The following SATL1 variants were observed in gnomAD, a reference collection of about 807,000 sequenced individuals.
SATL1 encodes spermidine/spermine N1-acetyl transferase like 1, also known as spermidine/spermine N(1)-acetyltransferase-like protein 1.
In SATL1, 47 loss-of-function variants were observed where a neutral mutation model predicts 51.8. That is an observed-to-expected ratio of 0.91 (90% CI 0.72 to 1.16). The LOEUF is 1.16. Among genes scored for constraint, SATL1 ranks in the 50% most tolerant of loss-of-function variants. The pLI, the probability that SATL1 is intolerant of heterozygous loss-of-function variation, is 0.00. For missense variants in SATL1, 520 were observed against 526.4 expected, an observed-to-expected ratio of 0.99 and a Z score of 0.12; for synonymous variants, 176 against 182.4, an observed-to-expected ratio of 0.97 and a Z score of 0.28.
At chrX:85,122,000 C>A (rs1333932420) in intron 2 of SATL1, among the ~76,000 whole-genome samples, 1 of 106,197 alleles carries the variant, frequency 9.4e-6, no homozygotes, top group African/African-American at 3.5e-5. Context: ...TGTCATTTGT[C>A]AGTTTAAAAA....
At chrX:85,126,844 C>A (rs765586031) in intron 2 of SATL1, among the ~76,000 whole-genome samples, 47 of 108,271 alleles carry the variant, frequency 4.3e-4, no homozygotes, top group African/African-American at 1.3e-3. Flanking sequence ...TTTTACCCCC[C>A]CCACCACACC....
intron 2 of SATL1, among the ~76,000 whole-genome samples, chrX:85,185,702 C>T (rs961498432): frequency 9.0e-6 from 1 of 111,121 alleles, no homozygotes; most frequent in South Asian, 3.8e-4. Flanking sequence ...GCTGTCAAGC[C>T]TGAGTCTTTC....
In SATL1 at chrX:85,094,181, C is replaced by T; in HGVS notation, c.1823G>A (p.Trp608Ter). 1 of 1,199,735 alleles carries T rather than the reference C, an allele frequency of 8.3e-7. No individual in the cohort carries two copies. The highest frequency in any genetic ancestry group is 1.1e-6 in the Non-Finnish European group (1 of 885,309). ...FAMYYFTYDS[W>*]TGKVLYLEDF... ...CTCTAGGTAAAGTACCTTGCCAGTC[C>T]ATGAGTCGTATGTAAAGTAGTACAT... Residue 608 changes from tryptophan (W) to a stop codon, truncating the protein, a stop_gained, in exon 6 of 8, where the codon TGG becomes TAG. Coordinates refer to ENST00000644105, the MANE Select transcript of SATL1 (RefSeq NM_001367857.2). LOFTEE classifies it high-confidence loss of function.
chrX:85,207,091 T>C (rs1927804593), intron 2 of SATL1: 1 of 111,557 alleles, frequency 9.0e-6, no homozygotes, highest in Non-Finnish European at 1.9e-5. Context: ...TAGTGAAATA[T>C]TTGTCTCAGA....
chrX:85,152,389 C>G (rs1174561362), intron 2 of SATL1, among the ~76,000 whole-genome samples: 2 of 111,670 alleles, frequency 1.8e-5, no homozygotes, highest in Non-Finnish European at 3.8e-5. Context: ...CTAGTTCAAC[C>G]ATTGTGGAAG....
chrX:85,160,475 G>A (rs1308951189), intron 2 of SATL1, among the ~76,000 whole-genome samples: 1 of 110,569 alleles, frequency 9.0e-6, no homozygotes, highest in Non-Finnish European at 1.9e-5. Flanking sequence ...AAAATAGCCA[G>A]TATAGAAATG....
intron 4 of SATL1, among the ~76,000 whole-genome samples, chrX:85,103,538 C>T (rs1398841509): frequency 9.0e-6 from 1 of 111,531 alleles, no homozygotes; most frequent in Non-Finnish European, 1.9e-5. Flanking sequence ...AATCATTTTG[C>T]TTTTATCAAT....
Position 85,109,148 on chromosome X carries a change from A to G in SATL1, c.-180T>C. ...TTCGCCCACTTTGAGATACCCCTCTATCAAGGTGGGAATTGGAAAAAGAGA... is the reference window on the plus strand; with the variant it reads ...TTCGCCCACTTTGAGATACCCCTCTGTCAAGGTGGGAATTGGAAAAAGAGA... On this transcript the variant is annotated 5_prime_UTR_variant, in exon 3 of 8. Transcript: ENST00000644105. 2 of 454,378 alleles carry G rather than the reference A, an allele frequency of 4.4e-6. No individual in the cohort carries two copies. Among genetic ancestry groups the G allele is most frequent in the South Asian group, 3.7e-5 (1 of 26,994 alleles). 37.4% of individuals were successfully genotyped at this position (454,378 alleles called of 1,213,427 possible).
chrX:85,133,923 T>C (rs1421786878), intron 2 of SATL1, among the ~76,000 whole-genome samples: 2 of 112,395 alleles, frequency 1.8e-5, no homozygotes, highest in Non-Finnish European at 3.7e-5. Context: ...AAATGCTATA[T>C]TCACATTGTT....
intron 2 of SATL1, among the ~76,000 whole-genome samples, chrX:85,177,112 G>A (rs1927096778): frequency 9.0e-6 from 1 of 111,537 alleles, no homozygotes; most frequent in South Asian, 3.7e-4. Flanking sequence ...CAAAGACTGG[G>A]TGTCTCTAAA....
At chrX:85,176,178 A>G (rs939915096) in intron 2 of SATL1, among the ~76,000 whole-genome samples, 5 of 112,117 alleles carry the variant, frequency 4.5e-5, no homozygotes, top group African/African-American at 1.6e-4. Flanking sequence ...TTCACTCATA[A>G]TAAGAGAAAT....
At chrX:85,184,153 A>G (rs1251067792) in intron 2 of SATL1, among the ~76,000 whole-genome samples, 1 of 111,748 alleles carries the variant, frequency 8.9e-6, no homozygotes, top group African/African-American at 3.3e-5. Context: ...TCCATTGAGT[A>G]TAGGTGCCAC....
At chrX:85,172,855 G>A (rs1267317966) in intron 2 of SATL1, among the ~76,000 whole-genome samples, 1 of 110,710 alleles carries the variant, frequency 9.0e-6, no homozygotes, top group Non-Finnish European at 1.9e-5. Flanking sequence ...GGAGCCATAA[G>A]ATTAGATTAG....
intron 2 of SATL1, among the ~76,000 whole-genome samples, chrX:85,150,650 GC>G (rs2050135427): frequency 9.0e-6 from 1 of 111,727 alleles, no homozygotes; most frequent in African/African-American, 3.3e-5. Flanking sequence ...GGGATGCAAG[GC>G]TGGTTCAACA....
chrX:85,202,122 T>C (rs1190914385), intron 2 of SATL1, among the ~76,000 whole-genome samples: 1 of 111,682 alleles, frequency 9.0e-6, no homozygotes, highest in African/African-American at 3.3e-5. Context: ...CACCAGCATG[T>C]TATTTTTTGA....
At chrX:85,140,084 A>G (rs780844529) in intron 2 of SATL1, among the ~76,000 whole-genome samples, 87 of 111,768 alleles carry the variant, frequency 7.8e-4, no homozygotes, top group African/African-American at 2.8e-3. Context: ...ATTAATGGCA[A>G]AAACAGCAAT....
At chrX:85,190,144 G>T (rs893232412) in intron 2 of SATL1, among the ~76,000 whole-genome samples, 1 of 111,838 alleles carries the variant, frequency 8.9e-6, no homozygotes, top group Admixed American at 9.5e-5. Flanking sequence ...ACAAAATAAT[G>T]TAGGCTATAG....
At chrX:85,236,863 G>C (rs1046972802) in intron 1 of SATL1, among the ~76,000 whole-genome samples, 3 of 110,738 alleles carry the variant, frequency 2.7e-5, no homozygotes, top group African/African-American at 9.8e-5. Flanking sequence ...ATAAATAAAG[G>C]GCATCTGAAT....
intron 4 of SATL1, among the ~76,000 whole-genome samples, chrX:85,099,854 G>T (rs1924846356): frequency 8.9e-6 from 1 of 112,152 alleles, no homozygotes; most frequent in Admixed American, 9.4e-5. Flanking sequence ...TTCACCACTG[G>T]TATTCAACAT....
Sources: allele counts gnomAD v4.1 joint callset (sites outside exome capture counted in the v4.1 genomes callset), GRCh38; gene constraint gnomAD v4.1.1; transcripts MANE v1.5; gene names NCBI Gene and HGNC (gene_info 2026-07-23, HGNC 2026-07-21).